SOD2: variants seen among roughly 807,000 people sequenced by gnomAD.
SOD2 encodes the protein superoxide dismutase [Mn], mitochondrial.
A neutral mutation model predicts 27.0 loss-of-function variants in SOD2; 11 were observed. The observed-to-expected ratio is 0.41, with a 90% CI of 0.26 to 0.67. The LOEUF (loss-of-function observed/expected upper bound fraction) is 0.67, where lower values mean the gene tolerates loss of function less well. SOD2 is among the 30% of genes least tolerant of loss of function. SOD2 has a pLI of 0.34. For missense variants in SOD2, 250 were observed against 274.5 expected, an observed-to-expected ratio of 0.91 and a Z score of 0.63; for synonymous variants, 105 against 103.0, an observed-to-expected ratio of 1.02 and a Z score of -0.12.
intron 1 of SOD2, among the ~76,000 whole-genome samples, chr6:159,752,539 CTG>C (rs1411488670): frequency 2.0e-5 from 3 of 152,126 alleles, no homozygotes. Context: ...AAACTATAAT[CTG>C]TGGAAAGTGT....
At chr6:159,706,346 C>T (rs1339272629) in intron 1 of SOD2, among the ~76,000 whole-genome samples, 2 of 152,074 alleles carry the variant, frequency 1.3e-5, no homozygotes, top group Non-Finnish European at 2.9e-5. Context: ...AGTCAAGACC[C>T]ATCAGTCTGC....
intron 1 of SOD2, among the ~76,000 whole-genome samples, chr6:159,723,499 T>C (rs1482557073): frequency 6.6e-6 from 1 of 152,338 alleles, no homozygotes; most frequent in East Asian, 1.9e-4. Flanking sequence ...GTCCCAGAGC[T>C]GGAATCAGCC....
At chr6:159,717,093 A>T (rs1777933226) in intron 1 of SOD2, among the ~76,000 whole-genome samples, 1 of 152,174 alleles carries the variant, frequency 6.6e-6, no homozygotes, top group African/African-American at 2.4e-5. Context: ...GGGAAATTAC[A>T]TGCAAAAGGT....
chr6:159,709,135 A>G (rs1457636823), intron 1 of SOD2, among the ~76,000 whole-genome samples: 1 of 152,236 alleles, frequency 6.6e-6, no homozygotes, highest in African/African-American at 2.4e-5. Context: ...TTAAAGACTT[A>G]AATGTTAGAC....
At chr6:159,711,950 C>G (rs1342069535) in intron 1 of SOD2, among the ~76,000 whole-genome samples, 3 of 122,720 alleles carry the variant, frequency 2.4e-5, no homozygotes, top group Non-Finnish European at 5.3e-5. Context: ...TCACATTGCT[C>G]TGATCACCAT....
At chr6:159,732,431 G>C (rs541140724) in intron 1 of SOD2, among the ~76,000 whole-genome samples, 4 of 152,230 alleles carry the variant, frequency 2.6e-5, no homozygotes, top group African/African-American at 7.2e-5. Flanking sequence ...TGAAGTTCCT[G>C]GTTGGTTCTC....
At chr6:159,756,281 G>T (rs1780009968) in intron 1 of SOD2, 1 of 152,542 alleles carries the variant, frequency 6.6e-6, no homozygotes, top group South Asian at 2.1e-4. Context: ...TACCTGTACT[G>T]ACCAAACCTA....
At chr6:159,724,053 A>C (rs945656928) in intron 1 of SOD2, among the ~76,000 whole-genome samples, 5 of 152,056 alleles carry the variant, frequency 3.3e-5, no homozygotes, top group African/African-American at 1.2e-4. Flanking sequence ...CCAGCCCTCC[A>C]GTTTAAACTC....
At chr6:159,718,839 G>A (rs149822313) in intron 1 of SOD2, among the ~76,000 whole-genome samples, 1 of 152,266 alleles carries the variant, frequency 6.6e-6, no homozygotes, top group African/African-American at 2.4e-5. Context: ...GAGCATTCCA[G>A]GCAGAAAGAA....
At chr6:159,740,147 G>T (rs1050524042) in intron 1 of SOD2, among the ~76,000 whole-genome samples, 21 of 151,290 alleles carry the variant, frequency 1.4e-4, no homozygotes, top group Non-Finnish European at 3.0e-5. Context: ...GCCTGGCCAT[G>T]ATTTTTTTTT....
chr6:159,749,394 G>T, upstream of SOD2: 1 of 983,032 alleles, frequency 1.0e-6, no homozygotes, highest in African/African-American at 1.8e-5. Flanking sequence ...TTGCACTCTT[G>T]ATATTAAATT....
At chr6:159,715,131 A>G (rs1287389950) in intron 1 of SOD2, among the ~76,000 whole-genome samples, 2 of 151,940 alleles carry the variant, frequency 1.3e-5, no homozygotes, top group African/African-American at 4.8e-5. Flanking sequence ...TTGTGTTTAG[A>G]AAGGGCTTGT....
intron 1 of SOD2, among the ~76,000 whole-genome samples, chr6:159,707,904 C>A (rs1478758430): frequency 6.6e-6 from 1 of 152,048 alleles, no homozygotes; most frequent in Non-Finnish European, 1.5e-5. Context: ...GCAGCACATC[C>A]AAAAGTTTAT....
At chr6:159,752,098 A>G (rs906829556) in intron 1 of SOD2, among the ~76,000 whole-genome samples, 2 of 152,082 alleles carry the variant, frequency 1.3e-5, no homozygotes, top group Non-Finnish European at 2.9e-5. Flanking sequence ...TGAAAGAACC[A>G]TGCAACACTT....
rs189292735 is a variant in SOD2, at chr6:159,680,890, C to T, written c.*1603G>A. 3 of 149,422 alleles carry T rather than the reference C, an allele frequency of 2.0e-5. No homozygotes were observed. Among genetic ancestry groups the T allele is most frequent in the East Asian group, 2.1e-4 (1 of 4,856 alleles). The allele number at this position is 149,422 out of a possible 1,614,324, so 9.3% of individuals were successfully genotyped here. On this transcript the variant is annotated 3_prime_UTR_variant, in exon 5 of 5. Coordinates refer to ENST00000538183, the MANE Select transcript of SOD2 (RefSeq NM_000636.4). ...AGTGGAGGTTGCAGTGAGCTCCGGT[C>T]GCGCCACTGCACTCCAGCCTGGGCA...
chr6:159,700,925 C>T (rs371979519), intron 1 of SOD2, among the ~76,000 whole-genome samples: 6 of 152,170 alleles, frequency 3.9e-5, no homozygotes, highest in South Asian at 2.1e-4. Context: ...CTTAAGCTTC[C>T]CTGGAACACA....
rs1780283970 is a variant in SOD2, at chr6:159,688,241, T to C, written c.228A>G (p.Gly76=). 1 of 1,583,178 alleles carries C rather than the reference T, an allele frequency of 6.3e-7. No individual in the cohort carries two copies. The highest frequency in any genetic ancestry group is 8.7e-7 in the Non-Finnish European group (1 of 1,152,086). The change falls in exon 3 of 5, where the codon GGA becomes GGG. Residue 76 remains glycine (G), a splice_region_variant and synonymous_variant. Transcript: ENST00000538183. ...GAAGAGCTATCTGGGCTGTAACATC[T>C]CCTGAAAAGTTAAAATGCAAACACA... ...EEKYQEALAK[G]DVTAQIALQP...
chr6:159,739,923 A>T (rs1230920022), intron 1 of SOD2, among the ~76,000 whole-genome samples: 1 of 139,252 alleles, frequency 7.2e-6, no homozygotes, highest in Non-Finnish European at 1.5e-5. Flanking sequence ...TAAAATTTAA[A>T]TTTTTGTTAT....
chr6:159,687,849 A>G (rs533670543), intron 3 of SOD2, among the ~76,000 whole-genome samples: 16 of 152,048 alleles, frequency 1.1e-4, no homozygotes, highest in African/African-American at 3.9e-4. Context: ...CATCTCTACT[A>G]AAAATGCAAA....
Sources: allele counts gnomAD v4.1 joint callset (sites outside exome capture counted in the v4.1 genomes callset), GRCh38; gene constraint gnomAD v4.1.1; transcripts MANE v1.5; gene names NCBI Gene and HGNC (gene_info 2026-07-23, HGNC 2026-07-21).